The following PEX14 variants were observed in gnomAD, a reference collection of about 807,000 sequenced individuals.
PEX14 encodes peroxisomal membrane protein PEX14.
In PEX14, 15 loss-of-function variants were observed where a neutral mutation model predicts 49.5. The ratio of observed to expected loss-of-function variants is 0.30; its 90% CI spans 0.20 to 0.47. PEX14 has a LOEUF of 0.47. Among genes scored for constraint, PEX14 ranks in the 20% least tolerant of loss-of-function variants. The pLI is 1.00. For synonymous variants in PEX14, 210 were observed against 212.7 expected (o/e 0.99, Z 0.11); for missense variants, 398 against 494.8 (o/e 0.80, Z 1.86).
chr1:10,477,137 C>T (rs1323712525), intron 1 of PEX14, among the ~76,000 whole-genome samples: 5 of 151,490 alleles, frequency 3.3e-5, no homozygotes, highest in Non-Finnish European at 5.9e-5. Flanking sequence ...GTGGCGCGAT[C>T]TCTGCTCACT....
chr1:10,523,754 T>C (rs1638376443), intron 2 of PEX14, among the ~76,000 whole-genome samples: 1 of 150,642 alleles, frequency 6.6e-6, no homozygotes. Context: ...CACTCAAGAC[T>C]ATTATCGATA....
At chr1:10,608,674 GAA>G (rs58340058) in intron 4 of PEX14, among the ~76,000 whole-genome samples, 14,241 of 142,786 alleles carry the variant, frequency 0.1, 834 homozygotes, top group South Asian at 0.17. Context: ...AAAAAAAAAA[GAA>G]AAAAAAAAAA....
intron 7 of PEX14, among the ~76,000 whole-genome samples, chr1:10,625,961 A>T (rs935734848): frequency 1.3e-5 from 2 of 152,126 alleles, no homozygotes; most frequent in Non-Finnish European, 2.9e-5. Flanking sequence ...CTAAACGCGT[A>T]TGTGTGAGGA....
intron 4 of PEX14, among the ~76,000 whole-genome samples, chr1:10,606,159 A>G (rs1280324287): frequency 6.6e-6 from 1 of 152,202 alleles, no homozygotes; most frequent in African/African-American, 2.4e-5. Context: ...TCTATTACAT[A>G]AATGTAGGCA....
At position 10,626,959 on chromosome 1, in the gene PEX14, A is replaced by G. The variant is rs137907339; in HGVS notation, c.586-313A>G. Among the ~76,000 whole-genome samples the G allele has an allele frequency of 1.7e-3, 253 of 152,352 alleles. 1 individual carries two copies. Among genetic ancestry groups the G allele is most frequent in the African/African-American group, 5.6e-3 (231 of 41,586 alleles). On this transcript the variant is annotated intron_variant, in intron 7 of 8. Transcript: ENST00000356607. ...CCCCGGACCATCTTAAATCCCAGAC[A>G]TCATCCCACTTCATACCGCACCCGC...
rs1013798107 is a variant in PEX14, at chr1:10,489,790, C to T, written c.37-5484C>T. 5.3e-5 allele frequency among the ~76,000 whole-genome samples: 8 copies of T among 152,268 alleles called. No homozygotes were observed. The East Asian group carries it at 5.8e-4, about 11-fold the overall frequency. On this transcript the variant is annotated intron_variant, in intron 1 of 8. Transcript: ENST00000356607. ...GGTGGCGTGCTCTGCTGGGGATCCCCGTCTCTCTCCAGGGCCTGAAATGTG... is the reference window on the plus strand; with the variant it reads ...GGTGGCGTGCTCTGCTGGGGATCCCTGTCTCTCTCCAGGGCCTGAAATGTG...
intron 3 of PEX14, among the ~76,000 whole-genome samples, chr1:10,573,200 A>G (rs1640030436): frequency 6.6e-6 from 1 of 152,226 alleles, no homozygotes; most frequent in Admixed American, 6.5e-5. Flanking sequence ...GTAACTATAT[A>G]TTTTATTCAT....
rs565914597 is a variant in PEX14, at chr1:10,483,889, A to G, written c.36+8887A>G. Among the ~76,000 whole-genome samples, 54 of 150,776 alleles carry G rather than the reference A, an allele frequency of 3.6e-4. 2 individuals are homozygous for G. Among genetic ancestry groups the G allele is most frequent in the African/African-American group, 1.2e-3 (50 of 40,464 alleles). On this transcript the variant is annotated intron_variant, in intron 1 of 8. Transcript: ENST00000356607. ...TAGGAAATCTGAACTGTTTTCTATT[A>G]CTATAGAGTATATTTGTCCCTCCTA...
intron 1 of PEX14, among the ~76,000 whole-genome samples, chr1:10,488,565 C>G (rs1641413153): frequency 6.6e-6 from 1 of 151,042 alleles, no homozygotes; most frequent in Non-Finnish European, 1.5e-5. Flanking sequence ...AGTGGCGTGA[C>G]CTCGGTTCAC....
chr1:10,577,583 T>A lies in PEX14; in HGVS notation c.170-21655T>A, dbSNP rs1228395622. Among the ~76,000 whole-genome samples the A allele has an allele frequency of 5.4e-3, 98 of 18,006 alleles. 2 individuals carry two copies. Among genetic ancestry groups the A allele is most frequent in the African/African-American group, 0.01 (51 of 4,994 alleles). The allele number at this position is 18,006 out of a possible 152,430, so 11.8% of individuals were successfully genotyped here. A position where few individuals can be genotyped will look rare whatever the true frequency, so the allele number is the denominator to read the frequency against. ...ATATATTTTTTTTTTTTTTTTTTTTTTTTTTTTTTTTTTTTTTTTTTTTTT... is the reference window on the plus strand; with the variant it reads ...ATATATTTTTTTTTTTTTTTTTTTTATTTTTTTTTTTTTTTTTTTTTTTTT... On this transcript the variant is annotated intron_variant, in intron 3 of 8. Transcript: ENST00000356607.
Position 10,628,144 on chromosome 1 carries a change from C to T in PEX14, c.677+781C>T, listed in dbSNP as rs1570374494. Among the ~76,000 whole-genome samples, 1 of 152,338 alleles carries T rather than the reference C, an allele frequency of 6.6e-6. No individual in the cohort carries two copies. The highest frequency in any genetic ancestry group is 2.1e-4 in the South Asian group (1 of 4,830). ...AGAGGTGGGATTTTGCTATGTTGGC[C>T]AGGCTGGTCTTGAATTCCCGACCTC... is the stretch of plus-strand genomic sequence containing the variant. On this transcript the variant is annotated intron_variant, in intron 8 of 8. Transcript: ENST00000356607. This position sits in a 1 kb window ranked among gnomAD's most constrained non-coding sequence, Gnocchi z 4.5.
At chr1:10,499,150 A>G (rs1641622577) in intron 2 of PEX14, among the ~76,000 whole-genome samples, 1 of 152,234 alleles carries the variant, frequency 6.6e-6, no homozygotes, top group African/African-American at 2.4e-5. Context: ...ATTTAGTCAT[A>G]TGATTTTTGG....
At chr1:10,543,235 A>G (rs553037271) in intron 3 of PEX14, among the ~76,000 whole-genome samples, 2 of 152,190 alleles carry the variant, frequency 1.3e-5, no homozygotes, top group Non-Finnish European at 2.9e-5. Flanking sequence ...CCCAAGTTCA[A>G]GCGATTCATC....
At chr1:10,603,727 T>C (rs1451562108) in intron 4 of PEX14, among the ~76,000 whole-genome samples, 1 of 152,168 alleles carries the variant, frequency 6.6e-6, no homozygotes, top group Non-Finnish European at 1.5e-5. Flanking sequence ...GTCTTCGTCC[T>C]CCCAGAGAGA....
intron 2 of PEX14, among the ~76,000 whole-genome samples, chr1:10,496,237 C>T (rs1641558076): frequency 1.3e-5 from 2 of 152,160 alleles, no homozygotes; most frequent in Non-Finnish European, 2.9e-5. Flanking sequence ...GTAGAAAGGC[C>T]GAGGTGATAC....
chr1:10,586,823 A>G (rs1570311759), intron 3 of PEX14, among the ~76,000 whole-genome samples: 1 of 151,622 alleles, frequency 6.6e-6, no homozygotes, highest in African/African-American at 2.4e-5. Context: ...TTGTATTTTT[A>G]GTAGAGACGG....
intron 2 of PEX14, among the ~76,000 whole-genome samples, chr1:10,515,141 A>G (rs1641949150): frequency 6.6e-6 from 1 of 152,204 alleles, no homozygotes; most frequent in Admixed American, 6.5e-5. Flanking sequence ...AGTTTAATAA[A>G]TGCACTACTT....
At chr1:10,552,689 A>G (rs978052627) in intron 3 of PEX14, among the ~76,000 whole-genome samples, 2 of 152,240 alleles carry the variant, frequency 1.3e-5, no homozygotes, top group African/African-American at 4.8e-5. Context: ...GTGGGGTTCC[A>G]TGATATATAA....
chr1:10,584,233 G>A (rs1168294717), intron 3 of PEX14, among the ~76,000 whole-genome samples: 1 of 152,168 alleles, frequency 6.6e-6, no homozygotes, highest in Admixed American at 6.5e-5. Context: ...CAAGTTTGGA[G>A]TTGTCATTAA....
Sources: allele counts gnomAD v4.1 joint callset (sites outside exome capture counted in the v4.1 genomes callset), GRCh38; gene constraint gnomAD v4.1.1; non-coding constraint Gnocchi (gnomAD v3.1); transcripts MANE v1.5; gene names NCBI Gene and HGNC (gene_info 2026-07-23, HGNC 2026-07-21).